Variants in STX7 observed in about 807,000 individuals in gnomAD.
STX7 encodes the protein syntaxin 7, also known as syntaxin-7.
In STX7, 34 loss-of-function variants were observed where a neutral mutation model predicts 39.6. The observed-to-expected ratio is 0.86, with a 90% confidence interval of 0.65 to 1.14. The LOEUF (loss-of-function observed/expected upper bound fraction) is 1.14, where lower values mean the gene tolerates loss of function less well. STX7 is among the 50% of genes most tolerant of loss of function. The probability of loss-of-function intolerance (pLI) is 0.00; values close to 1 mark genes in which losing one functional copy is unlikely to be tolerated. For synonymous variants in STX7, 119 were observed against 99.1 expected, an observed-to-expected ratio of 1.20 and a Z score of -1.19; for missense variants, 284 against 310.4, an observed-to-expected ratio of 0.92 and a Z score of 0.64.
chr6:132,474,754 G>A (rs941541553), intron 3 of STX7, among the ~76,000 whole-genome samples: 5 of 152,142 alleles, frequency 3.3e-5, no homozygotes, highest in African/African-American at 1.2e-4. Context: ...AAAATACTCT[G>A]TAAAATCCAC....
At chr6:132,486,485 T>C (rs1440761009) in intron 2 of STX7, among the ~76,000 whole-genome samples, 1 of 152,318 alleles carries the variant, frequency 6.6e-6, no homozygotes, top group South Asian at 2.1e-4. Context: ...CTTTTTAAGT[T>C]TGTTAACATA....
chr6:132,464,964 G>C lies in STX7; in HGVS notation c.611-889C>G, dbSNP rs569165981. ...CTCCCTACCAGCTCTCAGCTTTAAG[G>C]CTCATGCTATCAAACTCAGCCAACT... On this transcript the variant is annotated intron_variant, in intron 8 of 9. Transcript: ENST00000367941. Among the ~76,000 whole-genome samples, 7 of 152,158 alleles carry C rather than the reference G, an allele frequency of 4.6e-5. No homozygotes were observed. The South Asian group carries it at 1.5e-3, about 32-fold the overall frequency.
rs1774156789 is a variant in STX7, at chr6:132,452,549, C to CTTTCT, written c.*8208_*8209insAGAAA. 6.6e-5 allele frequency: 10 copies of CTTTCT among 151,804 alleles called. No homozygotes were observed. The highest frequency in any genetic ancestry group is 1.3e-4 in the Non-Finnish European group (9 of 67,908). 9.4% of individuals were successfully genotyped at this position (151,804 alleles called of 1,614,324 possible). A position where few individuals can be genotyped will look rare whatever the true frequency, so the allele number is the denominator to read the frequency against. On this transcript the variant is annotated 3_prime_UTR_variant, in exon 10 of 10. Transcript: ENST00000367941. ...GTGGGCTCAATAAGGTCTCAGTATA[C>CTTTCT]AAAATAGAAAAATTCACTTTATTTC...
In STX7 at chr6:132,447,559, T is replaced by G. The variant is rs996774283; in HGVS notation, c.*13199A>C. On this transcript the variant is annotated 3_prime_UTR_variant, in exon 10 of 10. Transcript: ENST00000367941. ...GACTTCAAATACAACATAATAGTTT[T>G]TTTTTCCGTTTTGCCCTCTACATTT... 2.6e-5 allele frequency: 4 copies of G among 151,740 alleles called. No individual in the cohort carries two copies. The highest frequency in any genetic ancestry group is 4.4e-5 in the Non-Finnish European group (3 of 67,982). 9.4% of individuals were successfully genotyped at this position (151,740 alleles called of 1,614,324 possible).
intron 1 of STX7, among the ~76,000 whole-genome samples, chr6:132,512,518 T>C (rs1383763814): frequency 1.3e-5 from 2 of 152,190 alleles, no homozygotes; most frequent in East Asian, 1.9e-4. Flanking sequence ...TCTGAATAAA[T>C]AAACATACAC....
intron 2 of STX7, among the ~76,000 whole-genome samples, chr6:132,476,145 C>T (rs944013011): frequency 6.6e-6 from 1 of 152,052 alleles, no homozygotes; most frequent in African/African-American, 2.4e-5. Context: ...GCTAAAATCA[C>T]AGGACATTCA....
At chr6:132,498,997 T>C (rs1319897786) in intron 2 of STX7, among the ~76,000 whole-genome samples, 1 of 152,146 alleles carries the variant, frequency 6.6e-6, no homozygotes, top group African/African-American at 2.4e-5. Flanking sequence ...TCTGATGACC[T>C]TGCTTCCCAT....
rs1221858534 is a variant in STX7 at position 132,456,656 on chromosome 6, C to A, written c.*4102G>T. 2.0e-5 allele frequency: 3 copies of A among 152,164 alleles called. No homozygotes were observed. Among genetic ancestry groups the A allele is most frequent in the African/African-American group, 7.2e-5 (3 of 41,432 alleles). The allele number at this position is 152,164 out of a possible 1,614,324, so 9.4% of individuals were successfully genotyped here. On this transcript the variant is annotated 3_prime_UTR_variant, in exon 10 of 10. Coordinates refer to ENST00000367941, the MANE Select transcript of STX7 (RefSeq NM_003569.3). ...AAAATGACTTGCTTACCATCTAGAG[C>A]CAATGCTTCTAAATTTTTCCATCAA...
intron 8 of STX7, among the ~76,000 whole-genome samples, chr6:132,468,084 A>T (rs76681020): frequency 6.6e-6 from 1 of 152,186 alleles, no homozygotes; most frequent in South Asian, 2.1e-4. Context: ...AATTGGAGTA[A>T]GACTAAAACC....
At position 132,469,937 on chromosome 6, in the gene STX7, A is replaced by G. The variant is rs764521597; in HGVS notation, c.537+14T>C. ...GACCAGAGCAGCAGCCCAAGTCTACAATGTAAGCCTTACTTCAAGTTGCCT... is the reference window on the plus strand; with the variant it reads ...GACCAGAGCAGCAGCCCAAGTCTACGATGTAAGCCTTACTTCAAGTTGCCT... On this transcript the variant is annotated intron_variant, in intron 7 of 9. Transcript: ENST00000367941. The G allele has an allele frequency of 6.3e-7, 1 of 1,581,840 alleles. No homozygotes were observed. Among genetic ancestry groups the G allele is most frequent in the Non-Finnish European group, 8.6e-7 (1 of 1,163,240 alleles).
intron 2 of STX7, among the ~76,000 whole-genome samples, chr6:132,490,575 C>A (rs573538304): frequency 6.6e-6 from 1 of 152,182 alleles, no homozygotes; most frequent in African/African-American, 2.4e-5. Flanking sequence ...AAAACGTGTA[C>A]ATACGGCCAA....
intron 2 of STX7, among the ~76,000 whole-genome samples, chr6:132,490,965 G>GCAGCGCAGCA (rs1775265162): frequency 1.6e-5 from 2 of 127,578 alleles, no homozygotes; most frequent in African/African-American, 5.9e-5. Context: ...GTCCCTCAGT[G>GCAGCGCAGCA]CAGCACAGCA....
intron 2 of STX7, among the ~76,000 whole-genome samples, chr6:132,492,277 A>G (rs572701139): frequency 9.8e-5 from 15 of 152,318 alleles, no homozygotes; most frequent in Non-Finnish European, 1.8e-4. Context: ...ACTCCTCAGT[A>G]TGGTCCATCC....
chr6:132,468,911 G>C (rs1774633724), intron 7 of STX7, among the ~76,000 whole-genome samples: 1 of 152,100 alleles, frequency 6.6e-6, no homozygotes, highest in African/African-American at 2.4e-5. Context: ...AAAACATTAG[G>C]TGTAAATTTA....
intron 2 of STX7, among the ~76,000 whole-genome samples, chr6:132,492,236 T>C (rs374620466): frequency 6.6e-6 from 1 of 152,308 alleles, no homozygotes; most frequent in South Asian, 2.1e-4. Flanking sequence ...ACACATTCCC[T>C]TCCTTCCTTC....
intron 2 of STX7, among the ~76,000 whole-genome samples, chr6:132,491,951 C>T (rs1378476751): frequency 6.6e-6 from 1 of 152,086 alleles, no homozygotes; most frequent in Non-Finnish European, 1.5e-5. Flanking sequence ...ATCTTAAGCC[C>T]CTCTCTCCCT....
In STX7 at chr6:132,453,064, A is replaced by C. The variant is rs1582637782; in HGVS notation, c.*7694T>G. On this transcript the variant is annotated 3_prime_UTR_variant, in exon 10 of 10. Coordinates refer to ENST00000367941, the MANE Select transcript of STX7 (RefSeq NM_003569.3). ...GAAAACCCAGATATAGACCCACACGAATGTGCCCAACTGATTTCTCATTAA... is the reference window on the plus strand; with the variant it reads ...GAAAACCCAGATATAGACCCACACGCATGTGCCCAACTGATTTCTCATTAA... 6.6e-6 allele frequency: 1 copy of C among 152,216 alleles called. No homozygotes were observed. Among genetic ancestry groups the C allele is most frequent in the East Asian group, 1.9e-4 (1 of 5,182 alleles). 9.4% of individuals were successfully genotyped at this position (152,216 alleles called of 1,614,324 possible).
At chr6:132,490,924 A>T (rs1775264282) in intron 2 of STX7, among the ~76,000 whole-genome samples, 1 of 151,370 alleles carries the variant, frequency 6.6e-6, no homozygotes, top group Non-Finnish European at 1.5e-5. Context: ...ACACCAGGCT[A>T]GGGGCTGAGA....
intron 2 of STX7, among the ~76,000 whole-genome samples, chr6:132,499,742 T>C (rs1775507341): frequency 6.6e-6 from 1 of 152,212 alleles, no homozygotes; most frequent in Non-Finnish European, 1.5e-5. Context: ...GTGATTACTT[T>C]ACACCTATGG....
Sources: allele counts gnomAD v4.1 joint callset (sites outside exome capture counted in the v4.1 genomes callset), GRCh38; gene constraint gnomAD v4.1.1; transcripts MANE v1.5; gene names NCBI Gene and HGNC (gene_info 2026-07-23, HGNC 2026-07-21).